Variants in TTC13 observed in about 807,000 individuals in gnomAD.
TTC13 encodes tetratricopeptide repeat domain 13.
TTC13 carries 62 observed loss-of-function variants against 120.0 expected under a neutral mutation model. That is an observed-to-expected ratio of 0.52 (90% CI 0.42 to 0.64). The LOEUF (loss-of-function observed/expected upper bound fraction) is 0.64, where lower values mean the gene tolerates loss of function less well. Ranked by LOEUF, TTC13 falls within the 30% of genes least tolerant of loss-of-function variation. TTC13 has a pLI of 0.00. For missense variants in TTC13, 824 were observed against 1,050.2 expected, an observed-to-expected ratio of 0.78 and a Z score of 2.98; for synonymous variants, 384 against 393.5, an observed-to-expected ratio of 0.98 and a Z score of 0.28.
intron 4 of TTC13, among the ~76,000 whole-genome samples, chr1:230,952,450 C>T (rs1426249918): frequency 1.3e-5 from 2 of 152,176 alleles, no homozygotes; most frequent in African/African-American, 4.8e-5. Flanking sequence ...CTTTCCACTG[C>T]CTTCATCCCT....
At chr1:230,959,247 A>C (rs1377919619) in intron 2 of TTC13, among the ~76,000 whole-genome samples, 1 of 152,244 alleles carries the variant, frequency 6.6e-6, no homozygotes, top group African/African-American at 2.4e-5. Flanking sequence ...AGGGACGAGG[A>C]CAGAAATGAA....
At chr1:230,958,149 C>A in intron 3 of TTC13, 75 bp downstream of exon 3, 3 of 1,487,582 alleles carry the variant, frequency 2.0e-6, no homozygotes, top group Non-Finnish European at 2.8e-6. Context: ...TCCTTACCAT[C>A]CTGTCTTCCT....
At chr1:230,913,298 C>T (rs868459685) in intron 18 of TTC13, among the ~76,000 whole-genome samples, 1 of 152,122 alleles carries the variant, frequency 6.6e-6, no homozygotes, top group South Asian at 2.1e-4. Flanking sequence ...ATTTAGTCCT[C>T]GGAGCCTACA....
intron 1 of TTC13, among the ~76,000 whole-genome samples, chr1:230,966,545 T>C (rs113084994): frequency 1.0e-3 from 159 of 152,360 alleles, no homozygotes; most frequent in African/African-American, 3.6e-3. Context: ...GCATCTACTA[T>C]GTTCCCATCA....
At chr1:230,911,426 CATTTCTCAATTTAAAATA>C (rs758133745) in intron 20 of TTC13, 26 bp downstream of exon 20, 2 of 1,406,100 alleles carry the variant, frequency 1.4e-6, no homozygotes, top group East Asian at 2.4e-5. Context: ...AAAAAGAACA[CATTTCTCAATTTAAAATA>C]ATTTTAATGA....
chr1:230,935,119 T>C (rs1673920434), intron 8 of TTC13, among the ~76,000 whole-genome samples: 1 of 152,224 alleles, frequency 6.6e-6, no homozygotes, highest in Admixed American at 6.5e-5. Flanking sequence ...CTTTAACATT[T>C]AAGAAATGTT....
At chr1:230,977,573 GTCTCA>G (rs1452145820) in intron 1 of TTC13, among the ~76,000 whole-genome samples, 3 of 151,422 alleles carry the variant, frequency 2.0e-5, no homozygotes, top group Admixed American at 6.6e-5. Flanking sequence ...TAATCTTGAC[GTCTCA>G]TCTCAACTAA....
rs2102875570 is a variant in TTC13 at position 230,940,340 on chromosome 1, ACAGT to A, written c.789+96_789+99del. 4.1e-6 allele frequency: 3 copies of A among 731,646 alleles called. No individual in the cohort carries two copies. The South Asian group carries it at 5.3e-5, about 13-fold the overall frequency. 45.3% of individuals were successfully genotyped at this position (731,646 alleles called of 1,614,324 possible). A position where few individuals can be genotyped will look rare whatever the true frequency, so the allele number is the denominator to read the frequency against. ...TCTTATGACACAGACATATTACTAA[ACAGT>A]CAAAGCCCAAATCTATCAAAGAGTC... On this transcript the variant is annotated intron_variant, in intron 7 of 22. Transcript: ENST00000366661. The surrounding 1 kb of genome is among the most constrained non-coding windows in gnomAD (Gnocchi z 4.1).
intron 18 of TTC13, among the ~76,000 whole-genome samples, chr1:230,915,890 A>G (rs1671970334): frequency 1.0e-5 from 1 of 96,702 alleles, no homozygotes; most frequent in African/African-American, 3.9e-5. Flanking sequence ...TTTTATTAGT[A>G]AAAGCCTCCC....
chr1:230,941,811 C>G (rs1218108509), intron 6 of TTC13, among the ~76,000 whole-genome samples: 2 of 152,114 alleles, frequency 1.3e-5, no homozygotes, highest in African/African-American at 2.4e-5. Context: ...AAAATCATCC[C>G]TCCCTAGTTT....
At chr1:230,947,965 A>G (rs1675168110) in intron 4 of TTC13, among the ~76,000 whole-genome samples, 1 of 152,048 alleles carries the variant, frequency 6.6e-6, no homozygotes, top group Non-Finnish European at 1.5e-5. Context: ...CACCCACTCC[A>G]TCAGCCACTG....
intron 16 of TTC13, among the ~76,000 whole-genome samples, chr1:230,921,180 A>C (rs1168379921): frequency 2.0e-5 from 3 of 152,228 alleles, no homozygotes; most frequent in Non-Finnish European, 2.9e-5. Context: ...TTTATAGAAG[A>C]AAGAGACTAG....
chr1:230,961,364 C>G, intron 1 of TTC13, 61 bp from the exon 2 acceptor site: 2 of 1,262,566 alleles, frequency 1.6e-6, no homozygotes, highest in Non-Finnish European at 2.3e-6. Flanking sequence ...AGGTGCTTAA[C>G]TATGAATTAG....
intron 3 of TTC13, among the ~76,000 whole-genome samples, chr1:230,954,808 T>C (rs919401871): frequency 1.3e-5 from 2 of 152,162 alleles, no homozygotes; most frequent in African/African-American, 2.4e-5. Context: ...AATACCCAAA[T>C]AGCATCACAA....
At chr1:230,937,732 A>C (rs898549178) in intron 8 of TTC13, among the ~76,000 whole-genome samples, 3 of 152,364 alleles carry the variant, frequency 2.0e-5, no homozygotes, top group Non-Finnish European at 4.4e-5. Flanking sequence ...ATTTTCACAG[A>C]TAAAATAATC....
chr1:230,939,317 C>T (rs910582870), intron 8 of TTC13, 69 bp downstream of exon 8: 92 of 945,624 alleles, frequency 9.7e-5, no homozygotes, highest in Admixed American at 3.9e-4. Flanking sequence ...ATCAATCAAA[C>T]GAAATTCCTC....
Position 230,906,875 on chromosome 1 carries a change from C to A in TTC13, c.*30G>T. Reference sequence around the variant, plus strand: ...ATAACTTAAGAAGCAAGAGGTCCGGCCCTTTACTTGTATAAATACAGCAGC... The same window carrying A: ...ATAACTTAAGAAGCAAGAGGTCCGGACCTTTACTTGTATAAATACAGCAGC... On this transcript the variant is annotated 3_prime_UTR_variant, in exon 23 of 23. Coordinates refer to ENST00000366661, the MANE Select transcript of TTC13 (RefSeq NM_024525.5). 1.8e-6 allele frequency: 2 copies of A among 1,135,210 alleles called. No individual in the cohort carries two copies. Among genetic ancestry groups the A allele is most frequent in the Non-Finnish European group, 2.4e-6 (2 of 823,142 alleles). 70.3% of individuals were successfully genotyped at this position (1,135,210 alleles called of 1,614,324 possible).
intron 1 of TTC13, among the ~76,000 whole-genome samples, chr1:230,964,787 G>C (rs571180434): frequency 2.2e-4 from 34 of 152,198 alleles, no homozygotes; most frequent in African/African-American, 7.5e-4. Context: ...CAGACACACA[G>C]ACTAATGGAA....
At chr1:230,937,421 C>T (rs1420729559) in intron 8 of TTC13, among the ~76,000 whole-genome samples, 3 of 152,016 alleles carry the variant, frequency 2.0e-5, no homozygotes, top group African/African-American at 7.3e-5. Context: ...AGTAGAGTAC[C>T]GAAGTTCTGA....
Sources: allele counts gnomAD v4.1 joint callset (sites outside exome capture counted in the v4.1 genomes callset), GRCh38; gene constraint gnomAD v4.1.1; non-coding constraint Gnocchi (gnomAD v3.1); transcripts MANE v1.5; gene names NCBI Gene and HGNC (gene_info 2026-07-23, HGNC 2026-07-21).